Variants in NUP93 observed in about 807,000 individuals in gnomAD.
NUP93 encodes nuclear pore complex protein Nup93.
Under a neutral mutation model 107.8 loss-of-function variants are expected in NUP93, and 55 were observed. The ratio of observed to expected loss-of-function variants is 0.51; its 90% CI spans 0.41 to 0.64. The LOEUF is 0.64. Ranked by LOEUF, NUP93 falls within the 30% of genes least tolerant of loss-of-function variation. The pLI is 0.00. For missense variants in NUP93, 937 were observed against 1,044.7 expected (o/e 0.90, Z 1.42); for synonymous variants, 390 against 397.5 (o/e 0.98, Z 0.22).
intron 4 of NUP93, among the ~76,000 whole-genome samples, chr16:56,805,232 T>A (rs1963110117): frequency 6.6e-6 from 1 of 152,104 alleles, no homozygotes; most frequent in Admixed American, 6.6e-5. Context: ...TAACTTTTTG[T>A]AGAGAGGGTT....
intron 3 of NUP93, among the ~76,000 whole-genome samples, chr16:56,768,911 A>G (rs1962270359): frequency 1.3e-5 from 2 of 151,836 alleles, no homozygotes; most frequent in Non-Finnish European, 2.9e-5. Context: ...AGCTAACATC[A>G]GGGAAGCAAA....
At chr16:56,731,438 C>T (rs781155523) in intron 1 of NUP93, among the ~76,000 whole-genome samples, 1 of 150,650 alleles carries the variant, frequency 6.6e-6, no homozygotes, top group Non-Finnish European at 1.5e-5. Flanking sequence ...CTCCCTCGGT[C>T]GCTCAGTCTG....
intron 3 of NUP93, among the ~76,000 whole-genome samples, chr16:56,787,083 T>C (rs1157272176): frequency 6.6e-6 from 1 of 152,172 alleles, no homozygotes; most frequent in Non-Finnish European, 1.5e-5. Context: ...TTTTAGAGAG[T>C]GTGAAATCAC....
chr16:56,789,604 C>T (rs777077607), intron 3 of NUP93, among the ~76,000 whole-genome samples: 7 of 152,232 alleles, frequency 4.6e-5, no homozygotes, highest in Non-Finnish European at 7.3e-5. Context: ...ACTCTTACAG[C>T]GTCTGCTGCC....
At chr16:56,789,892 C>T (rs1438550798) in intron 3 of NUP93, among the ~76,000 whole-genome samples, 3 of 152,068 alleles carry the variant, frequency 2.0e-5, no homozygotes, top group African/African-American at 2.4e-5. Context: ...TAAGGTCAGG[C>T]GTTCAAGACC....
At chr16:56,736,106 G>A (rs1451966469) in intron 1 of NUP93, among the ~76,000 whole-genome samples, 1 of 152,230 alleles carries the variant, frequency 6.6e-6, no homozygotes, top group Non-Finnish European at 1.5e-5. Flanking sequence ...GAGGCAGGCA[G>A]ATCACCTGAG....
intron 3 of NUP93, among the ~76,000 whole-genome samples, chr16:56,773,350 G>A (rs1257387488): frequency 1.3e-5 from 2 of 152,224 alleles, no homozygotes; most frequent in Admixed American, 1.3e-4. Flanking sequence ...GGATGGGGCA[G>A]TGTTATGGGA....
chr16:56,795,567 A>G (rs1259190555), intron 3 of NUP93, among the ~76,000 whole-genome samples: 2 of 152,184 alleles, frequency 1.3e-5, no homozygotes, highest in East Asian at 1.9e-4. Flanking sequence ...CGTTATCAGT[A>G]TATGTATTTG....
At chr16:56,834,801 G>T (rs1255789178) in intron 16 of NUP93, 23 bp downstream of exon 16, 4 of 1,571,094 alleles carry the variant, frequency 2.5e-6, no homozygotes, top group Non-Finnish European at 3.5e-6. Flanking sequence ...CATCCTTAGA[G>T]AAATGTTCGT....
intron 1 of NUP93, among the ~76,000 whole-genome samples, chr16:56,743,992 G>C (rs1318642089): frequency 6.6e-6 from 1 of 152,146 alleles, no homozygotes; most frequent in Non-Finnish European, 1.5e-5. Flanking sequence ...CACGCTCAAG[G>C]GCTTAGTCAC....
rs560249731 is a variant in NUP93, at chr16:56,841,788, A to G, written c.2304A>G (p.Pro768=). The change falls in exon 21 of 22, where the codon CCA becomes CCG. Residue 768 remains proline, a synonymous_variant. Coordinates refer to ENST00000308159, the MANE Select transcript of NUP93 (RefSeq NM_014669.5). ...TQFKRLKGTS[P]SSSSRPQRVI... is the part of the protein sequence containing the mutation. ...TTAAGAGGCTCAAGGGGACAAGTCC[A>G]TCCTCGTCATCCAGGCCCCAGCGAG... 1 of 1,614,214 alleles carries G rather than the reference A, an allele frequency of 6.2e-7. No individual in the cohort carries two copies. The highest frequency in any genetic ancestry group is 1.1e-5 in the South Asian group (1 of 91,090).
At chr16:56,771,502 C>T (rs1451027467) in intron 3 of NUP93, among the ~76,000 whole-genome samples, 1 of 152,154 alleles carries the variant, frequency 6.6e-6, no homozygotes, top group African/African-American at 2.4e-5. Context: ...CACCACTGGT[C>T]GAATTTCTTA....
chr16:56,795,212 ATTGT>A (rs1172068836), intron 3 of NUP93, among the ~76,000 whole-genome samples: 26 of 152,024 alleles, frequency 1.7e-4, no homozygotes, highest in Non-Finnish European at 3.4e-4. Flanking sequence ...ATGCCTACTC[ATTGT>A]TTGGGAGCAT....
chr16:56,830,401 T>C, intron 9 of NUP93, 127 bp from the exon 10 acceptor site: 1 of 849,874 alleles, frequency 1.2e-6, no homozygotes, highest in Non-Finnish European at 1.7e-6. Flanking sequence ...TGGTTCTCAC[T>C]GCAGGGAGCT....
At chr16:56,832,188 AG>A in intron 11 of NUP93, 106 bp from the exon 12 acceptor site, 1 of 1,250,228 alleles carries the variant, frequency 8.0e-7, no homozygotes, top group South Asian at 1.2e-5. Context: ...CCTTAAACAC[AG>A]CTTCTAGCTG....
At position 56,844,802 on chromosome 16, in the gene NUP93, T is replaced by TTTTTTTTTTTTTTTC. The variant is rs1555498159; in HGVS notation, c.*193_*194insTTTTTTTTTTTTTTC. ...CATTCTTTTATTTTCTTTTTTTTTT[T>TTTTTTTTTTTTTTTC]CTTTGAAATTTTGTTTACATTTTTA... On this transcript the variant is annotated 3_prime_UTR_variant, in exon 22 of 22. Coordinates refer to ENST00000308159, the MANE Select transcript of NUP93 (RefSeq NM_014669.5). 3.2e-6 allele frequency: 1 copy of TTTTTTTTTTTTTTTC among 309,198 alleles called. No individual in the cohort carries two copies. The allele number at this position is 309,198 out of a possible 1,614,324, so 19.2% of individuals were successfully genotyped here. A position where few individuals can be genotyped will look rare whatever the true frequency, so the allele number is the denominator to read the frequency against.
At chr16:56,821,688 C>T (rs955784110) in intron 7 of NUP93, 95 bp downstream of exon 7, 59 of 720,088 alleles carry the variant, frequency 8.2e-5, no homozygotes, top group Admixed American at 8.0e-4. Context: ...TGCGGAGACA[C>T]GCCATTCTGT....
At chr16:56,822,564 C>CTT (rs56395453) in intron 7 of NUP93, among the ~76,000 whole-genome samples, 51,370 of 126,850 alleles carry the variant, frequency 0.4, 10,616 homozygotes, top group East Asian at 0.6. Flanking sequence ...CTTTTCTTTT[C>CTT]TTTTTTTTTT....
intron 3 of NUP93, among the ~76,000 whole-genome samples, chr16:56,779,660 G>A (rs1596793145): frequency 6.6e-6 from 1 of 152,122 alleles, no homozygotes; most frequent in African/African-American, 2.4e-5. Flanking sequence ...GCAACTCCAA[G>A]CCAGCCACTC....
Sources: gnomAD v4.1 joint callset for allele counts (sites outside exome capture counted in the v4.1 genomes callset) on GRCh38, gnomAD v4.1.1 for gene constraint, MANE v1.5 for transcripts, NCBI Gene and HGNC (gene_info 2026-07-23, HGNC 2026-07-21) for gene names.